Variants in LRMDA observed in about 807,000 individuals in gnomAD.
LRMDA encodes the protein leucine-rich melanocyte differentiation-associated protein.
Under a neutral mutation model 29.8 loss-of-function variants are expected in LRMDA, and 18 were observed. The ratio of observed to expected loss-of-function variants is 0.60; its 90% CI spans 0.42 to 0.90. The LOEUF (loss-of-function observed/expected upper bound fraction) is 0.90, where lower values mean the gene tolerates loss of function less well. Ranked by LOEUF, LRMDA falls within the 40% of genes least tolerant of loss-of-function variation. The probability of loss-of-function intolerance (pLI) is 0.00; values close to 1 mark genes in which losing one functional copy is unlikely to be tolerated. For missense variants in LRMDA, 273 were observed against 273.9 expected, an observed-to-expected ratio of 1.00 and a Z score of 0.02; for synonymous variants, 125 against 109.4, an observed-to-expected ratio of 1.14 and a Z score of -0.89.
At chr10:76,361,258 CA>C (rs67200824) in intron 6 of LRMDA, among the ~76,000 whole-genome samples, 16,277 of 132,202 alleles carry the variant, frequency 0.12, 1,461 homozygotes, top group African/African-American at 0.27. Flanking sequence ...GAGACTGTCT[CA>C]AAAAAAAAAA....
intron 2 of LRMDA, among the ~76,000 whole-genome samples, chr10:75,907,718 C>A (rs1037244986): frequency 6.6e-6 from 1 of 152,206 alleles, no homozygotes; most frequent in Non-Finnish European, 1.5e-5. Flanking sequence ...AGGGCGAAAT[C>A]ATCACAGTGG....
intron 6 of LRMDA, among the ~76,000 whole-genome samples, chr10:76,426,036 A>C (rs181498057): frequency 2.4e-4 from 37 of 152,236 alleles, no homozygotes; most frequent in Admixed American, 8.5e-4. Flanking sequence ...AGTCTTTGCT[A>C]TTGTGAGTAG....
intron 5 of LRMDA, among the ~76,000 whole-genome samples, chr10:76,108,433 G>C (rs765895599): frequency 1.6e-4 from 25 of 152,120 alleles, no homozygotes; most frequent in Non-Finnish European, 2.8e-4. Context: ...AAAGCTACCT[G>C]GGACATAATC....
At chr10:76,144,153 T>G (rs1171152634) in intron 5 of LRMDA, among the ~76,000 whole-genome samples, 1 of 152,214 alleles carries the variant, frequency 6.6e-6, no homozygotes, top group African/African-American at 2.4e-5. Flanking sequence ...TCTTTTGGCT[T>G]AGGATTGACT....
intron 6 of LRMDA, among the ~76,000 whole-genome samples, chr10:76,415,735 C>G (rs963004106): frequency 2.0e-5 from 3 of 152,200 alleles, no homozygotes; most frequent in Non-Finnish European, 4.4e-5. Flanking sequence ...CCCACCCATG[C>G]CATATGCTCC....
At chr10:76,090,011 A>G (rs1231452043) in intron 5 of LRMDA, among the ~76,000 whole-genome samples, 1 of 152,236 alleles carries the variant, frequency 6.6e-6, no homozygotes, top group Non-Finnish European at 1.5e-5. Flanking sequence ...CAAAGAAGCG[A>G]TTGACACAGC....
chr10:75,814,714 G>A (rs61741373), intron 2 of LRMDA, among the ~76,000 whole-genome samples: 2,395 of 152,280 alleles, frequency 0.016, 55 homozygotes, highest in African/African-American at 0.05. Flanking sequence ...AGTGATAAAA[G>A]CAAAGCAGTT....
intron 2 of LRMDA, among the ~76,000 whole-genome samples, chr10:75,462,164 G>T (rs971138957): frequency 2.6e-5 from 4 of 152,198 alleles, no homozygotes; most frequent in African/African-American, 9.7e-5. Flanking sequence ...ACCTTGTATG[G>T]CCTGTCAGGG....
intron 2 of LRMDA, among the ~76,000 whole-genome samples, chr10:75,690,610 C>T (rs987039510): frequency 6.6e-6 from 1 of 152,010 alleles, no homozygotes; most frequent in African/African-American, 2.4e-5. Flanking sequence ...CCACTGTGCC[C>T]AGCACAGGTC....
At chr10:75,545,069 C>A (rs1486824952) in intron 2 of LRMDA, among the ~76,000 whole-genome samples, 2 of 152,126 alleles carry the variant, frequency 1.3e-5, no homozygotes, top group African/African-American at 4.8e-5. Context: ...CATTCTCCCC[C>A]ACTCTTTGGA....
At chr10:75,824,411 C>A (rs887176883) in intron 2 of LRMDA, among the ~76,000 whole-genome samples, 1 of 152,196 alleles carries the variant, frequency 6.6e-6, no homozygotes, top group African/African-American at 2.4e-5. Context: ...TGCTTTCATG[C>A]TATAGTGGCA....
intron 6 of LRMDA, among the ~76,000 whole-genome samples, chr10:76,549,755 G>A (rs940064257): frequency 5.3e-5 from 8 of 152,152 alleles, no homozygotes; most frequent in Non-Finnish European, 1.0e-4. Flanking sequence ...AATCCTGCAC[G>A]TAATATAATT....
rs147927026 is a variant in LRMDA, at chr10:75,908,621, T to A, written c.132-127387T>A. Among the ~76,000 whole-genome samples the A allele has an allele frequency of 2.7e-3, 408 of 152,338 alleles. 1 individual carries two copies. Among genetic ancestry groups the A allele is most frequent in the African/African-American group, 9.1e-3 (377 of 41,582 alleles). On this transcript the variant is annotated intron_variant, in intron 2 of 6. Coordinates refer to ENST00000611255, the MANE Select transcript of LRMDA (RefSeq NM_001305581.2). ...TAGGCTGATGTTTCTTTTGAGGTCGTTGTGAAAGAGATGGCTGGCTAGCTC... is the reference window on the plus strand; with the variant it reads ...TAGGCTGATGTTTCTTTTGAGGTCGATGTGAAAGAGATGGCTGGCTAGCTC...
At chr10:76,095,721 A>G (rs1038335369) in intron 5 of LRMDA, among the ~76,000 whole-genome samples, 1 of 152,208 alleles carries the variant, frequency 6.6e-6, no homozygotes, top group Non-Finnish European at 1.5e-5. Context: ...ATAGATGTGT[A>G]ATGATATCTA....
Position 75,959,578 on chromosome 10 carries a change from C to T in LRMDA, c.132-76430C>T, listed in dbSNP as rs891887072. Among the ~76,000 whole-genome samples the T allele has an allele frequency of 2.6e-5, 4 of 152,142 alleles. No individual in the cohort carries two copies. The East Asian group carries it at 5.8e-4, about 22-fold the overall frequency. ...TAACTTCAAGGGGGGTTTGCTGCCA[C>T]CCTTTGAATTCCTTACAATATTGAG... On this transcript the variant is annotated intron_variant, in intron 2 of 6. Coordinates refer to ENST00000611255, the MANE Select transcript of LRMDA (RefSeq NM_001305581.2).
At chr10:75,793,729 G>A (rs1487800817) in intron 2 of LRMDA, among the ~76,000 whole-genome samples, 1 of 152,176 alleles carries the variant, frequency 6.6e-6, no homozygotes, top group Non-Finnish European at 1.5e-5. Flanking sequence ...ACAGTGACTA[G>A]CATCGTTCCA....
rs894622297 is a variant in LRMDA at position 76,559,149 on chromosome 10, C to T, written c.*1861C>T. The stretch of plus-strand genomic sequence containing the variant: ...AGTCAGATGTCATATCCAATCTAGC[C>T]ACACATATATCCTTGTCTTTATAAA... On this transcript the variant is annotated 3_prime_UTR_variant, in exon 7 of 7. Coordinates refer to ENST00000611255, the MANE Select transcript of LRMDA (RefSeq NM_001305581.2). 1 of 152,154 alleles carries T rather than the reference C, an allele frequency of 6.6e-6. No homozygotes were observed. Among genetic ancestry groups the T allele is most frequent in the Non-Finnish European group, 1.5e-5 (1 of 68,042 alleles). The allele number at this position is 152,154 out of a possible 1,614,324, so 9.4% of individuals were successfully genotyped here. A position where few individuals can be genotyped will look rare whatever the true frequency, so the allele number is the denominator to read the frequency against.
intron 2 of LRMDA, among the ~76,000 whole-genome samples, chr10:75,590,012 A>G (rs1363357228): frequency 2.2e-5 from 3 of 137,086 alleles, no homozygotes; most frequent in Non-Finnish European, 4.7e-5. Context: ...CTTTATCTGA[A>G]GATGATGATT....
At chr10:76,040,435 A>G (rs1291552759) in intron 3 of LRMDA, among the ~76,000 whole-genome samples, 1 of 152,126 alleles carries the variant, frequency 6.6e-6, no homozygotes, top group East Asian at 1.9e-4. Context: ...GCTCTGGTAT[A>G]TCTGAAAGCC....
Sources: gnomAD v4.1 joint callset for allele counts (sites outside exome capture counted in the v4.1 genomes callset) on GRCh38, gnomAD v4.1.1 for gene constraint, MANE v1.5 for transcripts, NCBI Gene and HGNC (gene_info 2026-07-23, HGNC 2026-07-21) for gene names.